Variants in GPR158 observed in about 807,000 individuals in gnomAD.
GPR158 encodes metabotropic glycine receptor.
A neutral mutation model predicts 78.2 loss-of-function variants in GPR158; 30 were observed. The ratio of observed to expected loss-of-function variants is 0.38; its 90% CI spans 0.29 to 0.52. GPR158 has a LOEUF of 0.52. Ranked by LOEUF, GPR158 falls within the 20% of genes least tolerant of loss-of-function variation. The probability of loss-of-function intolerance (pLI) is 0.83; values close to 1 mark genes in which losing one functional copy is unlikely to be tolerated. For synonymous variants in GPR158, 581 were observed against 591.1 expected, an observed-to-expected ratio of 0.98 and a Z score of 0.25; for missense variants, 1,463 against 1,523.5, an observed-to-expected ratio of 0.96 and a Z score of 0.66.
At chr10:25,323,078 C>T (rs552484973) in intron 2 of GPR158, among the ~76,000 whole-genome samples, 1 of 152,226 alleles carries the variant, frequency 6.6e-6, no homozygotes, top group African/African-American at 2.4e-5. Context: ...ATCTCCTGAC[C>T]TTGTGATCTG....
chr10:25,339,124 A>G (rs1855267705), intron 2 of GPR158, among the ~76,000 whole-genome samples: 1 of 150,930 alleles, frequency 6.6e-6, no homozygotes, highest in Admixed American at 6.6e-5. Context: ...ACCTGGGACT[A>G]CAGGCTTGCA....
intron 5 of GPR158, among the ~76,000 whole-genome samples, chr10:25,503,132 T>C (rs776046436): frequency 1.5e-4 from 22 of 151,422 alleles, no homozygotes; most frequent in Non-Finnish European, 2.9e-4. Flanking sequence ...ATCCCAGCAC[T>C]ATGGGAGGAT....
chr10:25,480,431 G>A (rs548751945), intron 5 of GPR158, among the ~76,000 whole-genome samples: 3 of 152,036 alleles, frequency 2.0e-5, no homozygotes, highest in Non-Finnish European at 2.9e-5. Flanking sequence ...GGCTATTATC[G>A]ATTTCCAAAA....
chr10:25,250,349 T>C (rs1291460050), intron 2 of GPR158, among the ~76,000 whole-genome samples: 1 of 130,570 alleles, frequency 7.7e-6, no homozygotes, highest in Non-Finnish European at 1.6e-5. Flanking sequence ...TCTTGCCTTC[T>C]GCTAGCTTTT....
rs965424692 is a variant in GPR158 at position 25,600,129 on chromosome 10, C to A, written c.*855C>A. 6.6e-6 allele frequency: 1 copy of A among 152,608 alleles called. No individual in the cohort carries two copies. Among genetic ancestry groups the A allele is most frequent in the Non-Finnish European group, 1.5e-5 (1 of 68,034 alleles). 9.5% of individuals were successfully genotyped at this position (152,608 alleles called of 1,614,324 possible). ...TACAAGTTGAGTTACTTGTTTTGCA[C>A]TTCTTGTTAGGACTCAGAAGCTTTA... On this transcript the variant is annotated 3_prime_UTR_variant, in exon 11 of 11. Transcript: ENST00000376351.
intron 5 of GPR158, among the ~76,000 whole-genome samples, chr10:25,533,702 A>T (rs1006963312): frequency 1.3e-5 from 2 of 152,188 alleles, no homozygotes; most frequent in African/African-American, 4.8e-5. Flanking sequence ...ATTGGTCAAC[A>T]TTTTATAGCA....
At chr10:25,426,015 G>T (rs1180044419) in intron 4 of GPR158, among the ~76,000 whole-genome samples, 1 of 152,056 alleles carries the variant, frequency 6.6e-6, no homozygotes, top group Admixed American at 6.6e-5. Flanking sequence ...CTCTTTATCT[G>T]TGAAGGTATG....
chr10:25,599,429 G>A lies in GPR158; in HGVS notation c.*155G>A. 1.6e-6 allele frequency: 1 copy of A among 619,092 alleles called. No homozygotes were observed. The allele number at this position is 619,092 out of a possible 1,614,324, so 38.3% of individuals were successfully genotyped here. ...AGGCATGGGTAGAAGAGGACCAGGG[G>A]GGCAAGAGCAACAACGTCATAATGG... On this transcript the variant is annotated 3_prime_UTR_variant, in exon 11 of 11. Coordinates refer to ENST00000376351, the MANE Select transcript of GPR158 (RefSeq NM_020752.3).
At chr10:25,516,490 T>G (rs1836176446) in intron 5 of GPR158, among the ~76,000 whole-genome samples, 1 of 149,050 alleles carries the variant, frequency 6.7e-6, no homozygotes, top group African/African-American at 2.5e-5. Context: ...CTTCTAGGGT[T>G]TTTATGGTTT....
chr10:25,321,090 C>G (rs1037530595), intron 2 of GPR158, among the ~76,000 whole-genome samples: 1 of 152,142 alleles, frequency 6.6e-6, no homozygotes, highest in Admixed American at 6.5e-5. Context: ...TGAATTTGGT[C>G]AGAGTACTTA....
At chr10:25,356,444 G>A (rs1046250181) in intron 2 of GPR158, among the ~76,000 whole-genome samples, 9 of 151,910 alleles carry the variant, frequency 5.9e-5, no homozygotes, top group African/African-American at 2.2e-4. Flanking sequence ...ATATGGTTTT[G>A]CTCTGTGTCC....
intron 2 of GPR158, among the ~76,000 whole-genome samples, chr10:25,272,924 C>T (rs973290591): frequency 6.6e-6 from 1 of 152,124 alleles, no homozygotes; most frequent in Non-Finnish European, 1.5e-5. Context: ...ATAAGTGAAC[C>T]CCATGCATAT....
intron 2 of GPR158, among the ~76,000 whole-genome samples, chr10:25,301,225 T>A (rs1440244831): frequency 1.3e-5 from 2 of 152,082 alleles, no homozygotes; most frequent in Non-Finnish European, 2.9e-5. Flanking sequence ...TCTGTAAGGT[T>A]TTTCAACGAA....
rs148041364 is a variant in GPR158 at position 25,531,504 on chromosome 10, ATATT to A, written c.1405-19466_1405-19463del. 2.9e-3 allele frequency among the ~76,000 whole-genome samples: 439 copies of A among 152,308 alleles called. 2 individuals carry two copies. Among genetic ancestry groups the A allele is most frequent in the African/African-American group, 0.01 (424 of 41,554 alleles). Reference sequence around the variant, plus strand: ...TATGGCAACCTATAGTTACACCTAGATATTTATTTTCAGCCCTTTTTATTTGGGG... The same window carrying A: ...TATGGCAACCTATAGTTACACCTAGATATTTTCAGCCCTTTTTATTTGGGG... On this transcript the variant is annotated intron_variant, in intron 5 of 10. Transcript: ENST00000376351.
At chr10:25,235,431 T>G (rs1312355507) in intron 2 of GPR158, among the ~76,000 whole-genome samples, 1 of 151,886 alleles carries the variant, frequency 6.6e-6, no homozygotes, top group Non-Finnish European at 1.5e-5. Flanking sequence ...TCTTCCTTTT[T>G]TTTTTTTTTA....
Position 25,176,634 on chromosome 10 carries a change from A to G in GPR158, c.902+312A>G, listed in dbSNP as rs1852538589. ...CCCCGCTGCTCTGTGCTTCCCTCCA[A>G]TTGTCCGGAGAGCAGGGAGGGGCGT... On this transcript the variant is annotated intron_variant, in intron 1 of 10. Coordinates refer to ENST00000376351, the MANE Select transcript of GPR158 (RefSeq NM_020752.3). The surrounding 1 kb of genome is among the most constrained non-coding windows in gnomAD (Gnocchi z 6.3). Among the ~76,000 whole-genome samples, 1 of 152,114 alleles carries G rather than the reference A, an allele frequency of 6.6e-6. No individual in the cohort carries two copies. The highest frequency in any genetic ancestry group is 1.5e-5 in the Non-Finnish European group (1 of 68,006).
intron 4 of GPR158, among the ~76,000 whole-genome samples, chr10:25,423,291 A>C (rs1427246414): frequency 1.3e-5 from 2 of 151,890 alleles, no homozygotes; most frequent in Admixed American, 1.3e-4. Context: ...TGCTATAAAC[A>C]TGCATATGCA....
chr10:25,481,793 C>CTTGGTGTG lies in GPR158; in HGVS notation c.1404+15074_1404+15075insTTGGTGTG, dbSNP rs1404030708. On this transcript the variant is annotated intron_variant, in intron 5 of 10. Transcript: ENST00000376351. ...TATCCACACCAAGACTTGTTATTTT[C>CTTGGTGTG]CATTTTATATTTTTATAGTAGCCAT... Among the ~76,000 whole-genome samples, 23 of 152,248 alleles carry CTTGGTGTG rather than the reference C, an allele frequency of 1.5e-4. No individual in the cohort carries two copies. In the East Asian group the frequency reaches 4.1e-3, roughly 27 times the overall value.
At chr10:25,526,757 C>A (rs747159259) in intron 5 of GPR158, among the ~76,000 whole-genome samples, 11 of 152,174 alleles carry the variant, frequency 7.2e-5, no homozygotes, top group Non-Finnish European at 1.5e-4. Flanking sequence ...ATAGGCAGAG[C>A]TGGTCCACAG....
Sources: allele counts gnomAD v4.1 joint callset (sites outside exome capture counted in the v4.1 genomes callset), GRCh38; gene constraint gnomAD v4.1.1; non-coding constraint Gnocchi (gnomAD v3.1); transcripts MANE v1.5; gene names NCBI Gene and HGNC (gene_info 2026-07-23, HGNC 2026-07-21).